Variants in IQGAP2 observed in about 807,000 individuals in gnomAD.
IQGAP2 encodes ras GTPase-activating-like protein IQGAP2.
IQGAP2 carries 173 observed loss-of-function variants against 201.3 expected under a neutral mutation model. The ratio of observed to expected loss-of-function variants is 0.86; its 90% CI spans 0.76 to 0.98. IQGAP2 has a LOEUF of 0.98. Ranked by LOEUF, IQGAP2 falls within the 50% of genes least tolerant of loss-of-function variation. IQGAP2 has a pLI of 0.00. For synonymous variants in IQGAP2, 675 were observed against 673.9 expected (o/e 1.00, Z -0.03); for missense variants, 1,687 against 1,864.8 (o/e 0.90, Z 1.76).
At chr5:76,690,631 A>G (rs925097903) in intron 30 of IQGAP2, among the ~76,000 whole-genome samples, 5 of 152,228 alleles carry the variant, frequency 3.3e-5, no homozygotes, top group Non-Finnish European at 7.3e-5. Flanking sequence ...TGTAATTTTA[A>G]CTTTTCTAGA....
At position 76,473,592 on chromosome 5, in the gene IQGAP2, T is replaced by C. The variant is rs140225934; in HGVS notation, c.146+11923T>C. ...CTGGCCTCAGGCAGTCCTCCCACCT[T>C]GGCCTCCCAAAGTGCTGGAATTACA... On this transcript the variant is annotated intron_variant, in intron 2 of 35. Coordinates refer to ENST00000274364, the MANE Select transcript of IQGAP2 (RefSeq NM_006633.5). 8.3e-3 allele frequency among the ~76,000 whole-genome samples: 1,268 copies of C among 152,264 alleles called. 21 individuals are homozygous for C. Among genetic ancestry groups the C allele is most frequent in the African/African-American group, 0.029 (1,217 of 41,540 alleles).
intron 5 of IQGAP2, among the ~76,000 whole-genome samples, 193 bp from the exon 6 acceptor site, chr5:76,588,713 C>G (rs1746416229): frequency 6.6e-6 from 1 of 152,130 alleles, no homozygotes; most frequent in Non-Finnish European, 1.5e-5. Flanking sequence ...CTTTGGGACA[C>G]AGATTGGAAT....
At chr5:76,460,855 C>T (rs1390070246) in intron 1 of IQGAP2, among the ~76,000 whole-genome samples, 1 of 132,244 alleles carries the variant, frequency 7.6e-6, no homozygotes, top group Non-Finnish European at 1.6e-5. Context: ...CCCGTTTGCA[C>T]ACTGCTTTTT....
intron 4 of IQGAP2, among the ~76,000 whole-genome samples, chr5:76,573,392 G>T (rs1202151851): frequency 6.6e-6 from 1 of 152,156 alleles, no homozygotes; most frequent in Non-Finnish European, 1.5e-5. Flanking sequence ...TCAATATTAA[G>T]TGCTTACTCT....
At chr5:76,618,330 A>G in intron 13 of IQGAP2, 1 of 1,614,220 alleles carries the variant, frequency 6.2e-7, no homozygotes, top group Non-Finnish European at 8.5e-7. Context: ...AGTGGTACAG[A>G]TGGATCTGGT....
chr5:76,614,030 C>T (rs1272502730), intron 13 of IQGAP2, among the ~76,000 whole-genome samples: 1 of 152,178 alleles, frequency 6.6e-6, no homozygotes, highest in African/African-American at 2.4e-5. Flanking sequence ...GCTGAATTTA[C>T]ACACCAAAGT....
intron 2 of IQGAP2, among the ~76,000 whole-genome samples, chr5:76,550,650 C>T (rs1037616558): frequency 2.0e-5 from 3 of 152,192 alleles, no homozygotes; most frequent in Non-Finnish European, 4.4e-5. Context: ...GCACATGTTT[C>T]AGAGAGCACG....
chr5:76,640,013 A>G (rs1465820317), intron 16 of IQGAP2, among the ~76,000 whole-genome samples: 1 of 152,246 alleles, frequency 6.6e-6, no homozygotes, highest in African/African-American at 2.4e-5. Flanking sequence ...GCATCCCAAG[A>G]TATACCCCAG....
chr5:76,566,698 G>A (rs1238468244), intron 3 of IQGAP2, among the ~76,000 whole-genome samples: 3 of 152,106 alleles, frequency 2.0e-5, no homozygotes, highest in Admixed American at 6.5e-5. Flanking sequence ...GGATAACTCA[G>A]TCCAGGTGGC....
chr5:76,536,503 T>C (rs973253948), intron 2 of IQGAP2, among the ~76,000 whole-genome samples: 5 of 151,864 alleles, frequency 3.3e-5, no homozygotes, highest in African/African-American at 9.7e-5. Flanking sequence ...CTCACGCCTG[T>C]AATCCCAGCA....
chr5:76,570,249 G>A (rs1347604618), intron 3 of IQGAP2, among the ~76,000 whole-genome samples: 1 of 152,174 alleles, frequency 6.6e-6, no homozygotes, highest in Non-Finnish European at 1.5e-5. Flanking sequence ...CCATGCATGT[G>A]TGTGTATGTG....
intron 5 of IQGAP2, among the ~76,000 whole-genome samples, chr5:76,577,240 C>G: frequency 7.0e-6 from 1 of 141,858 alleles, no homozygotes; most frequent in East Asian, 2.0e-4. Context: ...CTGGTGATAT[C>G]ATGGTTCTCC....
chr5:76,502,539 A>T (rs983760491), intron 2 of IQGAP2, among the ~76,000 whole-genome samples: 4 of 152,216 alleles, frequency 2.6e-5, no homozygotes, highest in African/African-American at 9.6e-5. Context: ...CACTTTGTGT[A>T]TGTTTGAATT....
chr5:76,597,488 C>T lies in IQGAP2; in HGVS notation c.957C>T (p.Pro319=), dbSNP rs781281584. 5.6e-6 allele frequency: 9 copies of T among 1,613,986 alleles called. No homozygotes were observed. The Middle Eastern group carries it at 5.0e-4, about 89-fold the overall frequency. Residue 319 remains proline, a synonymous_variant, in exon 10 of 36, where the codon CCC becomes CCT. Coordinates refer to ENST00000274364, the MANE Select transcript of IQGAP2 (RefSeq NM_006633.5). The part of the protein sequence containing the change: ...HINAVIPEGD[P]ENTLLALKKP... ...ATGCTGTCATTCCGGAAGGTGACCC[C>T]GAGAATACGCTGCTTGCACTGAAGA... is the stretch of plus-strand genomic sequence containing the variant.
chr5:76,512,268 C>A (rs1445472041), intron 2 of IQGAP2, among the ~76,000 whole-genome samples: 1 of 152,104 alleles, frequency 6.6e-6, no homozygotes, highest in Non-Finnish European at 1.5e-5. Context: ...CTTGGGCATC[C>A]AAAAACAGAT....
At chr5:76,434,776 T>C (rs1189558767) in intron 1 of IQGAP2, among the ~76,000 whole-genome samples, 1 of 152,160 alleles carries the variant, frequency 6.6e-6, no homozygotes, top group Non-Finnish European at 1.5e-5. Context: ...TTAAGAAATC[T>C]TCATAGTGTT....
At chr5:76,665,504 C>T (rs190416475) in intron 22 of IQGAP2, among the ~76,000 whole-genome samples, 9 of 152,196 alleles carry the variant, frequency 5.9e-5, no homozygotes, top group Admixed American at 2.0e-4. Context: ...TATTATACTA[C>T]GGTTACCTTC....
chr5:76,525,520 G>C (rs1331419833), intron 2 of IQGAP2, among the ~76,000 whole-genome samples: 1 of 151,732 alleles, frequency 6.6e-6, no homozygotes, highest in Non-Finnish European at 1.5e-5. Flanking sequence ...GAAAAGAAGA[G>C]AACCAGGGAG....
intron 3 of IQGAP2, among the ~76,000 whole-genome samples, chr5:76,565,191 A>T (rs1390684439): frequency 6.6e-6 from 1 of 152,194 alleles, no homozygotes; most frequent in African/African-American, 2.4e-5. Flanking sequence ...AGGAGAGCTA[A>T]ATCATGGGAC....
Sources: allele counts gnomAD v4.1 joint callset (sites outside exome capture counted in the v4.1 genomes callset), GRCh38; gene constraint gnomAD v4.1.1; transcripts MANE v1.5; gene names NCBI Gene and HGNC (gene_info 2026-07-23, HGNC 2026-07-21).